The following SEMA4B variants were observed in gnomAD, a reference collection of about 807,000 sequenced individuals.
SEMA4B encodes semaphorin 4B, also known as semaphorin-4B.
A neutral mutation model predicts 88.1 loss-of-function variants in SEMA4B; 55 were observed. That is an observed-to-expected ratio of 0.62 (90% CI 0.50 to 0.78). SEMA4B has a LOEUF of 0.78. Among genes scored for constraint, SEMA4B ranks in the 30% least tolerant of loss-of-function variants. The pLI is 0.00. For missense variants in SEMA4B, 1,062 were observed against 1,111.9 expected (o/e 0.96, Z 0.64); for synonymous variants, 525 against 473.6 (o/e 1.11, Z -1.41).
intron 1 of SEMA4B, among the ~76,000 whole-genome samples, chr15:90,192,905 A>G (rs947987579): frequency 1.3e-5 from 2 of 152,080 alleles, no homozygotes; most frequent in African/African-American, 4.8e-5. Context: ...CGGCCTCTTT[A>G]TAATGGATTC....
intron 1 of SEMA4B, among the ~76,000 whole-genome samples, chr15:90,205,303 T>G (rs1960936908): frequency 6.6e-6 from 1 of 152,218 alleles, no homozygotes; most frequent in Non-Finnish European, 1.5e-5. Context: ...CTGATGCTGG[T>G]CGCTTGTTGA....
At chr15:90,226,088 G>A (rs1229230509) in intron 12 of SEMA4B, among the ~76,000 whole-genome samples, 1 of 152,208 alleles carries the variant, frequency 6.6e-6, no homozygotes, top group East Asian at 1.9e-4. Context: ...GCAGGAAAAT[G>A]TGGATTAGCG....
At chr15:90,210,369 G>C (rs985184989) in intron 1 of SEMA4B, among the ~76,000 whole-genome samples, 2 of 152,180 alleles carry the variant, frequency 1.3e-5, no homozygotes, top group African/African-American at 2.4e-5. Context: ...TCATTGAAGT[G>C]ATGAGCATGG....
At chr15:90,204,411 T>C (rs948438003) in intron 1 of SEMA4B, among the ~76,000 whole-genome samples, 6 of 152,146 alleles carry the variant, frequency 3.9e-5, no homozygotes, top group Non-Finnish European at 8.8e-5. Flanking sequence ...TAGGGAACCC[T>C]AATTATTGTT....
intron 1 of SEMA4B, among the ~76,000 whole-genome samples, chr15:90,196,049 A>G (rs1960494061): frequency 6.7e-6 from 1 of 149,232 alleles, no homozygotes; most frequent in Admixed American, 6.7e-5. Context: ...CCTCCCAAGT[A>G]GCTGGGACTA....
Position 90,217,508 on chromosome 15 carries a change from G to A in SEMA4B, c.227G>A (p.Ser76Asn), listed in dbSNP as rs777399759. The change falls in exon 2 of 14, where the codon AGC (serine) becomes AAC (asparagine). Residue 76 changes from serine (S) to asparagine (N), a missense_variant. By Grantham distance (46) the Ser-to-Asn change is conservative (BLOSUM62 1). Coordinates refer to ENST00000411539, the MANE Select transcript of SEMA4B (RefSeq NM_198925.4). Reference sequence around the variant, plus strand: ...TCCAACTACACAGCCCTTCTGCTGAGCAGGGATGGCAGGACCCTGTACGTG... The same window carrying A: ...TCCAACTACACAGCCCTTCTGCTGAACAGGGATGGCAGGACCCTGTACGTG... ...HISNYTALLLSRDGRTLYVGA... is the reference protein window; with the variant it reads ...HISNYTALLLNRDGRTLYVGA... The A allele has an allele frequency of 2.7e-5, 43 of 1,613,994 alleles. No homozygotes were observed. The East Asian group carries it at 8.7e-4, about 33-fold the overall frequency.
rs757482656 is a variant in SEMA4B at position 90,219,889 on chromosome 15, A to G, written c.481A>G (p.Ile161Val). 12 of 1,609,990 alleles carry G rather than the reference A, an allele frequency of 7.5e-6. No individual in the cohort carries two copies. In the Admixed American group the frequency reaches 1.7e-4, roughly 22 times the overall value. ...AGCCTTCAGCCCCATGTGTACCTAC[A>G]TCGTGAGTGACCTGTCCTCAGCCCT... ...TAAFSPMCTY[I>V]NMENFTLARD... The change falls in exon 4 of 14, where the codon ATC (isoleucine) becomes GTC (valine). Residue 161 changes from isoleucine to valine, a missense_variant and splice_region_variant. Coordinates refer to ENST00000411539, the MANE Select transcript of SEMA4B (RefSeq NM_198925.4).
intron 1 of SEMA4B, among the ~76,000 whole-genome samples, chr15:90,202,183 G>A (rs1308802332): frequency 1.3e-5 from 2 of 152,248 alleles, no homozygotes; most frequent in Admixed American, 6.5e-5. Context: ...TGTGGTGGGC[G>A]GGCAGGCGCC....
Position 90,225,358 on chromosome 15 carries a change from G to A in SEMA4B, c.1482G>A (p.Ser494=), listed in dbSNP as rs776525731. The A allele has an allele frequency of 2.8e-5, 43 of 1,554,718 alleles. 1 individual carries two copies. The South Asian group carries it at 3.6e-4, about 13-fold the overall frequency. ...HIIEELQIFS[S]GQPVQNLLLD... Reference sequence around the variant, plus strand: ...TTGAGGAGCTGCAGATCTTCTCATCGGGACAGCCCGTGCAGAATCTGCTCC... The same window carrying A: ...TTGAGGAGCTGCAGATCTTCTCATCAGGACAGCCCGTGCAGAATCTGCTCC... Residue 494 remains serine (S), a synonymous_variant, in exon 11 of 14, where the codon TCG becomes TCA. Transcript: ENST00000411539.
At chr15:90,215,272 G>T (rs1961479875) in intron 1 of SEMA4B, among the ~76,000 whole-genome samples, 1 of 149,588 alleles carries the variant, frequency 6.7e-6, no homozygotes. Context: ...AGGATAACCT[G>T]CTTATTAGAG....
rs144837141 is a variant in SEMA4B at position 90,226,335 on chromosome 15, T to C, written c.1688+508T>C. ...ATAGATAACAAAAATCCTTTTATTT[T>C]ATTTCATTTCATTTCATTTATCTTG... On this transcript the variant is annotated intron_variant, in intron 12 of 13. Transcript: ENST00000411539. Among the ~76,000 whole-genome samples, 937 of 152,330 alleles carry C rather than the reference T, an allele frequency of 6.2e-3. 8 individuals are homozygous for C. Among genetic ancestry groups the C allele is most frequent in the Non-Finnish European group, 7.4e-3 (503 of 68,028 alleles).
At chr15:90,217,658 T>G in intron 2 of SEMA4B, 56 bp downstream of exon 2, 2 of 1,607,490 alleles carry the variant, frequency 1.2e-6, no homozygotes, top group Non-Finnish European at 8.5e-7. Flanking sequence ...AGAGGGAAGA[T>G]GGACGGGAAG....
At chr15:90,214,709 T>A (rs1432987278) in intron 1 of SEMA4B, among the ~76,000 whole-genome samples, 1 of 150,694 alleles carries the variant, frequency 6.6e-6, no homozygotes, top group African/African-American at 2.4e-5. Flanking sequence ...ACATTGAGGA[T>A]GGAGTAGCTT....
rs1242322560 is a variant in SEMA4B, at chr15:90,225,764, A to G, written c.1625A>G (p.Tyr542Cys). The G allele has an allele frequency of 2.3e-5, 37 of 1,576,382 alleles. No homozygotes were observed. Among genetic ancestry groups the G allele is most frequent in the African/African-American group, 4.1e-5 (3 of 73,696 alleles). The stretch of plus-strand genomic sequence containing the variant: ...GACTGCCTCCTCGCCCGGGACCCCT[A>G]CTGTGCTTGGAGCGGCTCCAGCTGC... ...CGDCLLARDPYCAWSGSSCKH... is the reference protein window; with the variant it reads ...CGDCLLARDPCCAWSGSSCKH... Residue 542 changes from tyrosine (Y) to cysteine (C), a missense_variant, in exon 12 of 14, where the codon TAC (tyrosine) becomes TGC (cysteine). Coordinates refer to ENST00000411539, the MANE Select transcript of SEMA4B (RefSeq NM_198925.4).
intron 3 of SEMA4B, chr15:90,219,402 C>T (rs1385773267): frequency 6.0e-6 from 1 of 167,602 alleles, no homozygotes; most frequent in African/African-American, 2.4e-5. Context: ...ATCTGGGGTT[C>T]AGGGTTCAGG....
At chr15:90,209,097 C>T (rs2151603133) in intron 1 of SEMA4B, among the ~76,000 whole-genome samples, 1 of 152,218 alleles carries the variant, frequency 6.6e-6, no homozygotes, top group East Asian at 1.9e-4. Flanking sequence ...TTATCTGGGG[C>T]CCCTCTCTGG....
In SEMA4B at chr15:90,225,668, T is replaced by C. The variant is rs1276362374; in HGVS notation, c.1529T>C (p.Leu510Pro). The C allele has an allele frequency of 5.1e-6, 8 of 1,564,626 alleles. No homozygotes were observed. Among genetic ancestry groups the C allele is most frequent in the Non-Finnish European group, 6.1e-6 (7 of 1,155,660 alleles). Residue 510 changes from leucine (L) to proline (P), a missense_variant, in exon 12 of 14, where the codon CTG (leucine) becomes CCG (proline). Transcript: ENST00000411539. ...NLLLDTHRGLLYAASHSGVVQ... is the reference protein window; with the variant it reads ...NLLLDTHRGLPYAASHSGVVQ... ...CCGTGTCTGGCTGTGCAGGGGCTGC[T>C]GTATGCGGCCTCACACTCGGGCGTA... is the stretch of plus-strand genomic sequence containing the variant.
chr15:90,221,426 C>T lies in SEMA4B; in HGVS notation c.655C>T (p.Arg219Trp), dbSNP rs1228184089. The change falls in exon 6 of 14, where the codon CGG (arginine) becomes TGG (tryptophan). Residue 219 changes from arginine to tryptophan, a missense_variant. By Grantham distance (101) the Arg-to-Trp change is moderately radical (BLOSUM62 -3). Transcript: ENST00000411539. ...CCAAGGGAATGACCCGGCCATCTCGCGGAGCCAAAGCCTTCGCCCCACCAA... is the reference window on the plus strand; with the variant it reads ...CCAAGGGAATGACCCGGCCATCTCGTGGAGCCAAAGCCTTCGCCCCACCAA... ...SFQGNDPAIS[R>W]SQSLRPTKTE... 4 of 1,584,320 alleles carry T rather than the reference C, an allele frequency of 2.5e-6. No homozygotes were observed. Among genetic ancestry groups the T allele is most frequent in the African/African-American group, 1.4e-5 (1 of 73,962 alleles).
chr15:90,204,650 T>C (rs1328377466), intron 1 of SEMA4B, among the ~76,000 whole-genome samples: 1 of 152,132 alleles, frequency 6.6e-6, no homozygotes, highest in African/African-American at 2.4e-5. Flanking sequence ...GCAGGAGTGG[T>C]GCTGAGTAGA....
Sources: allele counts gnomAD v4.1 joint callset (sites outside exome capture counted in the v4.1 genomes callset), GRCh38; gene constraint gnomAD v4.1.1; transcripts MANE v1.5; gene names NCBI Gene and HGNC (gene_info 2026-07-23, HGNC 2026-07-21).